The following SLC23A2 variants were observed in gnomAD, a reference collection of about 807,000 sequenced individuals.
SLC23A2 encodes Na(+)/L-ascorbic acid transporter 2.
In SLC23A2, 36 loss-of-function variants were observed where a neutral mutation model predicts 73.3. The ratio of observed to expected loss-of-function variants is 0.49; its 90% CI spans 0.38 to 0.65. The LOEUF (loss-of-function observed/expected upper bound fraction) is 0.65, where lower values mean the gene tolerates loss of function less well. SLC23A2 is among the 30% of genes least tolerant of loss of function. The pLI is 0.00. For synonymous variants in SLC23A2, 343 were observed against 327.3 expected (o/e 1.05, Z -0.52); for missense variants, 507 against 841.6 (o/e 0.60, Z 4.92).
chr20:4,933,220 C>A (rs1301636323), intron 2 of SLC23A2, among the ~76,000 whole-genome samples: 1 of 152,090 alleles, frequency 6.6e-6, no homozygotes, highest in East Asian at 1.9e-4. Context: ...CGGATACAGC[C>A]AATTAATCAT....
chr20:4,887,711 C>T (rs142824257), intron 6 of SLC23A2, among the ~76,000 whole-genome samples: 190 of 152,232 alleles, frequency 1.2e-3, no homozygotes, highest in Non-Finnish European at 2.2e-3. Flanking sequence ...AAATAGATGA[C>T]GATAGAAAAA....
At chr20:4,907,550 GACTTTA>G (rs1931999942) in intron 4 of SLC23A2, among the ~76,000 whole-genome samples, 1 of 152,036 alleles carries the variant, frequency 6.6e-6, no homozygotes, top group Non-Finnish European at 1.5e-5. Context: ...GCTTTTTAAA[GACTTTA>G]ACCAGTAAAC....
chr20:4,873,342 T>C (rs1038563790), intron 11 of SLC23A2, among the ~76,000 whole-genome samples: 5 of 152,176 alleles, frequency 3.3e-5, no homozygotes, highest in Non-Finnish European at 4.4e-5. Flanking sequence ...TGGGATCACC[T>C]ACACGGGGCC....
intron 2 of SLC23A2, among the ~76,000 whole-genome samples, chr20:4,964,881 G>A (rs2087450392): frequency 7.3e-6 from 1 of 136,876 alleles, no homozygotes; most frequent in South Asian, 2.4e-4. Context: ...GAGAAGAGTA[G>A]AAGAGAAGGG....
intron 2 of SLC23A2, among the ~76,000 whole-genome samples, chr20:4,955,041 A>G (rs1439615492): frequency 6.6e-6 from 1 of 152,120 alleles, no homozygotes; most frequent in Non-Finnish European, 1.5e-5. Flanking sequence ...AGGCCAGTTC[A>G]AGACCAGCCA....
At chr20:4,912,106 A>G (rs988520654) in intron 4 of SLC23A2, among the ~76,000 whole-genome samples, 12 of 151,616 alleles carry the variant, frequency 7.9e-5, no homozygotes, top group African/African-American at 2.7e-4. Flanking sequence ...CAGCCTCCCA[A>G]AGTATTGGGA....
intron 4 of SLC23A2, among the ~76,000 whole-genome samples, chr20:4,910,544 C>T (rs891315757): frequency 5.3e-5 from 8 of 152,132 alleles, no homozygotes; most frequent in African/African-American, 1.9e-4. Flanking sequence ...GATTCTCCTG[C>T]CTCAGCCTCC....
chr20:5,002,990 A>G (rs74917464), upstream of SLC23A2, among the ~76,000 whole-genome samples: 1,416 of 152,316 alleles, frequency 9.3e-3, 10 homozygotes, highest in Non-Finnish European at 0.013. Context: ...GAAGTTCACA[A>G]TCCCTACTGG....
chr20:4,885,901 A>G lies in SLC23A2; in HGVS notation c.491T>C (p.Leu164Pro). Residue 164 changes from leucine (L) to proline (P), a missense_variant, in exon 7 of 17, where the codon CTG becomes CCG. By Grantham distance (98) the Leu-to-Pro change is moderately conservative. Coordinates refer to ENST00000338244, the MANE Select transcript of SLC23A2 (RefSeq NM_005116.6). ...LQTTFGCRLP[L>P]FQASAFAFLA... is the part of the protein sequence containing the mutation. ...AAATGCAAAAGCACTGGCCTGAAAC[A>G]GGGGTAACCTAAAAGAAACGAGACC... is the stretch of plus-strand genomic sequence containing the variant. 1.2e-6 allele frequency: 2 copies of G among 1,612,220 alleles called. No homozygotes were observed. The highest frequency in any genetic ancestry group is 1.7e-6 in the Non-Finnish European group (2 of 1,178,854).
Position 4,899,449 on chromosome 20 carries a change from C to A in SLC23A2, c.482+106G>T. The A allele has an allele frequency of 7.6e-7, 1 of 1,310,234 alleles. No individual in the cohort carries two copies. Among genetic ancestry groups the A allele is most frequent in the Non-Finnish European group, 1.1e-6 (1 of 921,478 alleles). The allele number at this position is 1,310,234 out of a possible 1,614,324, so 81.2% of individuals were successfully genotyped here. On this transcript the variant is annotated intron_variant, in intron 6 of 16. Transcript: ENST00000338244. The surrounding 1 kb of genome is among the most constrained non-coding windows in gnomAD (Gnocchi z 4.9). The stretch of plus-strand genomic sequence containing the variant: ...GGCCACTAGGACATTCCCGTGCCTC[C>A]ATTCTGTCCTTGCCAACAGCCCTAG...
rs537293302 is a variant in SLC23A2 at position 4,875,165 on chromosome 20, G to A, written c.825-469C>T. 1.8e-4 allele frequency among the ~76,000 whole-genome samples: 28 copies of A among 152,238 alleles called. No homozygotes were observed. In the East Asian group the frequency reaches 2.3e-3, roughly 13 times the overall value. On this transcript the variant is annotated intron_variant, in intron 9 of 16. Coordinates refer to ENST00000338244, the MANE Select transcript of SLC23A2 (RefSeq NM_005116.6). ...TGATCCAAAATTCTCCCAGGGATTC[G>A]CTTTGAGTAGTTACATGATTTGCAA...
chr20:4,860,550 C>T (rs1199228304), intron 15 of SLC23A2, among the ~76,000 whole-genome samples: 1 of 152,180 alleles, frequency 6.6e-6, no homozygotes, highest in African/African-American at 2.4e-5. Flanking sequence ...TGTCTTTCCC[C>T]AGCAATGGTT....
chr20:4,874,056 A>T lies in SLC23A2; in HGVS notation c.982T>A (p.Phe328Ile). ...AAGACATCTGTCACCGTGAAGATGA[A>T]GCAGAGCAGCCAGGATACCAGGATG... is the stretch of plus-strand genomic sequence containing the variant. ...LAILVSWLLC[F>I]IFTVTDVFPP... Residue 328 changes from phenylalanine (F) to isoleucine (I), a missense_variant, in exon 11 of 17, where the codon TTC (phenylalanine) becomes ATC (isoleucine). Transcript: ENST00000338244. The T allele has an allele frequency of 1.9e-6, 3 of 1,614,134 alleles. No individual in the cohort carries two copies. The highest frequency in any genetic ancestry group is 1.7e-6 in the Non-Finnish European group (2 of 1,179,978).
At chr20:4,984,730 A>G (rs2087795102) in intron 1 of SLC23A2, among the ~76,000 whole-genome samples, 1 of 152,202 alleles carries the variant, frequency 6.6e-6, no homozygotes, top group Admixed American at 6.5e-5. Flanking sequence ...TAGGATGGCT[A>G]TAATCAAAAA....
intron 3 of SLC23A2, among the ~76,000 whole-genome samples, chr20:4,924,287 C>T (rs753086005): frequency 4.6e-5 from 7 of 152,220 alleles, no homozygotes; most frequent in African/African-American, 1.2e-4. Flanking sequence ...GTGGCTCCTC[C>T]CCGTCCTCCC....
chr20:4,883,918 C>T lies in SLC23A2; in HGVS notation c.643-95G>A. Reference sequence around the variant, plus strand: ...AACCACAACTGATAATTCTGCAAGGCAATAAGTTATTACATCATCTAACTT... The same window carrying T: ...AACCACAACTGATAATTCTGCAAGGTAATAAGTTATTACATCATCTAACTT... On this transcript the variant is annotated intron_variant, in intron 8 of 16. Coordinates refer to ENST00000338244, the MANE Select transcript of SLC23A2 (RefSeq NM_005116.6). The surrounding 1 kb of genome is among the most constrained non-coding windows in gnomAD (Gnocchi z 4.5). 4 of 923,052 alleles carry T rather than the reference C, an allele frequency of 4.3e-6. No individual in the cohort carries two copies. Among genetic ancestry groups the T allele is most frequent in the Non-Finnish European group, 6.4e-6 (4 of 625,104 alleles). The allele number at this position is 923,052 out of a possible 1,614,324, so 57.2% of individuals were successfully genotyped here. A position where few individuals can be genotyped will look rare whatever the true frequency, so the allele number is the denominator to read the frequency against.
intron 4 of SLC23A2, among the ~76,000 whole-genome samples, chr20:4,909,854 A>C (rs1935972): frequency 0.46 from 70,589 of 151,878 alleles, 16,634 homozygotes; most frequent in East Asian, 0.65. Context: ...ACCCACCTGG[A>C]CCAAGTCAGA....
chr20:4,984,139 C>T (rs565844915), intron 1 of SLC23A2, among the ~76,000 whole-genome samples: 14 of 152,258 alleles, frequency 9.2e-5, no homozygotes, highest in Non-Finnish European at 1.8e-4. Flanking sequence ...TGACCCAGCA[C>T]ATGCCTCTAG....
At chr20:4,875,454 G>A (rs1930616568) in intron 9 of SLC23A2, among the ~76,000 whole-genome samples, 1 of 152,174 alleles carries the variant, frequency 6.6e-6, no homozygotes, top group African/African-American at 2.4e-5. Context: ...GGCTAGGGTT[G>A]TAGCACTGGG....
Sources: gnomAD v4.1 joint callset for allele counts (sites outside exome capture counted in the v4.1 genomes callset) on GRCh38, gnomAD v4.1.1 for gene constraint, Gnocchi (gnomAD v3.1) non-coding constraint, MANE v1.5 for transcripts, NCBI Gene and HGNC (gene_info 2026-07-23, HGNC 2026-07-21) for gene names.